Variants in GPHN observed in about 807,000 individuals in gnomAD.
GPHN encodes gephyrin.
A neutral mutation model predicts 95.5 loss-of-function variants in GPHN; 17 were observed. The observed-to-expected ratio is 0.18, with a 90% confidence interval of 0.12 to 0.27. The LOEUF (loss-of-function observed/expected upper bound fraction) is 0.27. Ranked by LOEUF, GPHN falls within the 10% of genes least tolerant of loss-of-function variation. The pLI is 1.00. For missense variants in GPHN, 660 were observed against 978.1 expected (o/e 0.67, Z 4.34); for synonymous variants, 320 against 322.5 (o/e 0.99, Z 0.08).
chr14:66,811,535 CTTACA>C (rs992043140), intron 3 of GPHN, among the ~76,000 whole-genome samples: 1 of 139,754 alleles, frequency 7.2e-6, no homozygotes, highest in African/African-American at 2.9e-5. Flanking sequence ...TAAGACTACT[CTTACA>C]TTCAGCAAAA....
chr14:67,122,137 T>C (rs1049614672), intron 16 of GPHN, 119 bp from the exon 17 acceptor site: 7 of 920,674 alleles, frequency 7.6e-6, no homozygotes, highest in Admixed American at 1.8e-5. Flanking sequence ...ACCTTCAAAA[T>C]GCCAGATACC....
intron 12 of GPHN, among the ~76,000 whole-genome samples, chr14:67,091,835 G>A (rs965809246): frequency 6.9e-6 from 1 of 144,308 alleles, no homozygotes; most frequent in African/African-American, 2.5e-5. Flanking sequence ...TGTTTGAGAG[G>A]TTTTTTTTTT....
At chr14:67,651,642 C>T in the GPHN span, 1 of 680,744 alleles carries the variant, frequency 1.5e-6, no homozygotes, top group South Asian at 2.1e-5. Flanking sequence ...TTAGCTGTCA[C>T]TTAGGGATAA....
At chr14:66,953,899 G>C (rs1334934203) in intron 8 of GPHN, among the ~76,000 whole-genome samples, 1 of 152,166 alleles carries the variant, frequency 6.6e-6, no homozygotes, top group Non-Finnish European at 1.5e-5. Flanking sequence ...GCTGGGCATA[G>C]TGGTGGGTGC....
At chr14:67,355,449 CAAAAAAAAAAA>C in the GPHN span, among the ~76,000 whole-genome samples, 116 of 18,958 alleles carry the variant, frequency 6.1e-3, no homozygotes, top group South Asian at 0.012. Context: ...GACCCTGTCT[CAAAAAAAAAAA>C]AAAAAAAAAA....
the GPHN span, chr14:67,301,861 A>G: frequency 5.0e-6 from 6 of 1,195,872 alleles, no homozygotes; most frequent in East Asian, 5.3e-5. Flanking sequence ...CTAATTAATT[A>G]TAACACTTTT....
the GPHN span, among the ~76,000 whole-genome samples, chr14:67,443,442 A>C: frequency 6.6e-6 from 1 of 152,158 alleles, no homozygotes; most frequent in South Asian, 2.1e-4. Flanking sequence ...AAAGGAAAGA[A>C]GGCATTTCAA....
chr14:67,284,009 G>A, the GPHN span, among the ~76,000 whole-genome samples: 7 of 152,240 alleles, frequency 4.6e-5, no homozygotes, highest in African/African-American at 1.4e-4. Flanking sequence ...ACTAAATTGC[G>A]CTATTGACTT....
chr14:66,760,336 T>A (rs1566914078), intron 2 of GPHN, among the ~76,000 whole-genome samples: 1 of 152,132 alleles, frequency 6.6e-6, no homozygotes, highest in Non-Finnish European at 1.5e-5. Flanking sequence ...AGAGCCACAG[T>A]GTTTCTTGTG....
chr14:66,667,928 C>T (rs1480729968), intron 1 of GPHN, among the ~76,000 whole-genome samples: 2 of 152,186 alleles, frequency 1.3e-5, no homozygotes, highest in Non-Finnish European at 2.9e-5. Flanking sequence ...CTATAAGGAA[C>T]TTAAATACAT....
At chr14:66,687,740 C>T (rs1163399099) in intron 2 of GPHN, among the ~76,000 whole-genome samples, 3 of 152,108 alleles carry the variant, frequency 2.0e-5, no homozygotes, top group Admixed American at 1.3e-4. Context: ...CCGCCCACCT[C>T]GGCCTCCCAA....
chr14:67,592,698 G>T, the GPHN span: 1 of 1,604,914 alleles, frequency 6.2e-7, no homozygotes, highest in East Asian at 2.2e-5. Context: ...ATAAGATGCA[G>T]AGGTAGTAAA....
the GPHN span, chr14:67,321,011 C>G: frequency 2.0e-6 from 3 of 1,515,290 alleles, no homozygotes; most frequent in Non-Finnish European, 2.8e-6. Flanking sequence ...CCCCTGTCCT[C>G]ACTCTAAGCC....
Position 67,178,574 on chromosome 14 carries a change from G to A in GPHN, c.2080-1004G>A, listed in dbSNP as rs1034288464. On this transcript the variant is annotated intron_variant, in intron 21 of 22. Transcript: ENST00000478722. ...TCTTCTGGAGGAATATCCTTGTGGT[G>A]TTCTCTGTATTTCCTGAATTTGAAT... is the stretch of plus-strand genomic sequence containing the variant. Among the ~76,000 whole-genome samples, 7 of 152,136 alleles carry A rather than the reference G, an allele frequency of 4.6e-5. 1 individual carries two copies. Among genetic ancestry groups the A allele is most frequent in the African/African-American group, 1.4e-4 (6 of 41,430 alleles).
Position 66,508,601 on chromosome 14 carries a change from G to C in GPHN, c.64+10G>C, listed in dbSNP as rs768831916. The C allele has an allele frequency of 6.2e-5, 100 of 1,610,534 alleles. No individual in the cohort carries two copies. Among genetic ancestry groups the C allele is most frequent in the Non-Finnish European group, 7.8e-5 (92 of 1,176,776 alleles). On this transcript the variant is annotated intron_variant, in intron 1 of 22. Transcript: ENST00000478722. ...GTCGGAGTCCTTACAGGTAACCGGGGGAGGAGGTCTGGGACCTATGAGGCT... is the reference window on the plus strand; with the variant it reads ...GTCGGAGTCCTTACAGGTAACCGGGCGAGGAGGTCTGGGACCTATGAGGCT...
intron 3 of GPHN, among the ~76,000 whole-genome samples, chr14:66,790,190 C>A (rs552866097): frequency 6.6e-6 from 1 of 152,154 alleles, no homozygotes. Context: ...GCTTTAGTCA[C>A]GCCAAACTGC....
the GPHN span, among the ~76,000 whole-genome samples, chr14:67,244,383 A>G: frequency 6.6e-6 from 1 of 152,164 alleles, no homozygotes; most frequent in South Asian, 2.1e-4. Context: ...TATGAGTGAC[A>G]GTGGCTTCAC....
rs956810579 is a variant in GPHN at position 66,922,530 on chromosome 14, T to G, written c.457-136T>G. 1.5e-5 allele frequency: 10 copies of G among 667,490 alleles called. No individual in the cohort carries two copies. In the Admixed American group the frequency reaches 1.6e-4, roughly 11 times the overall value. The allele number at this position is 667,490 out of a possible 1,614,324, so 41.3% of individuals were successfully genotyped here. On this transcript the variant is annotated intron_variant, in intron 6 of 22. Coordinates refer to ENST00000478722, the MANE Select transcript of GPHN (RefSeq NM_020806.5). Reference sequence around the variant, plus strand: ...ACTTCATGGCATATTGCTAAGACAATGTTTTACATATGATTGATTCTGAGA... The same window carrying G: ...ACTTCATGGCATATTGCTAAGACAAGGTTTTACATATGATTGATTCTGAGA...
the GPHN span, among the ~76,000 whole-genome samples, chr14:67,703,963 C>T: frequency 6.6e-6 from 1 of 152,314 alleles, no homozygotes; most frequent in East Asian, 1.9e-4. Context: ...CAGGCGTGAG[C>T]CACTGTGCTT....
Sources: gnomAD v4.1 joint callset for allele counts (sites outside exome capture counted in the v4.1 genomes callset) on GRCh38, gnomAD v4.1.1 for gene constraint, MANE v1.5 for transcripts, NCBI Gene and HGNC (gene_info 2026-07-23, HGNC 2026-07-21) for gene names.